FAM107B: variants seen among roughly 807,000 people sequenced by gnomAD.
FAM107B encodes family with sequence similarity 107 member B.
A neutral mutation model predicts 31.5 loss-of-function variants in FAM107B; 21 were observed. That is an observed-to-expected ratio of 0.67 (90% confidence interval 0.47 to 0.96). The LOEUF is 0.96. FAM107B is among the 40% of genes least tolerant of loss of function. FAM107B has a pLI of 0.00. For synonymous variants in FAM107B, 157 were observed against 141.5 expected (o/e 1.11, Z -0.78); for missense variants, 452 against 377.1 (o/e 1.20, Z -1.64).
At chr10:14,769,436 T>C (rs1426870136) in intron 1 of FAM107B, among the ~76,000 whole-genome samples, 2 of 152,186 alleles carry the variant, frequency 1.3e-5, no homozygotes, top group African/African-American at 4.8e-5. Flanking sequence ...CCAAGCTGGA[T>C]TGCAGTGGTG....
In FAM107B at chr10:14,521,078, T is replaced by G; in HGVS notation, c.*112A>C. 2 of 849,712 alleles carry G rather than the reference T, an allele frequency of 2.4e-6. No homozygotes were observed. Among genetic ancestry groups the G allele is most frequent in the Non-Finnish European group, 1.9e-6 (1 of 536,230 alleles). The allele number at this position is 849,712 out of a possible 1,614,324, so 52.6% of individuals were successfully genotyped here. A position where few individuals can be genotyped will look rare whatever the true frequency, so the allele number is the denominator to read the frequency against. On this transcript the variant is annotated 3_prime_UTR_variant, in exon 5 of 5. Coordinates refer to ENST00000181796, the MANE Select transcript of FAM107B (RefSeq NM_031453.4). ...AAATCAAACCAAATCCTACTGCAAGTCAAAATTCTCTGCTGGCTGAAATAT... is the reference window on the plus strand; with the variant it reads ...AAATCAAACCAAATCCTACTGCAAGGCAAAATTCTCTGCTGGCTGAAATAT...
At chr10:14,674,181 T>C (rs758531034) in intron 1 of FAM107B, among the ~76,000 whole-genome samples, 18 of 152,158 alleles carry the variant, frequency 1.2e-4, no homozygotes, top group Non-Finnish European at 2.2e-4. Context: ...CTTCAGCACA[T>C]TGGTCTAGGC....
chr10:14,645,483 T>TATAA (rs1853729218), intron 2 of FAM107B, among the ~76,000 whole-genome samples: 1 of 128,806 alleles, frequency 7.8e-6, no homozygotes, highest in African/African-American at 2.8e-5. Flanking sequence ...GATGGTCCTT[T>TATAA]CTTCCCCCAC....
chr10:14,656,887 G>A (rs527569623), intron 2 of FAM107B, among the ~76,000 whole-genome samples: 1 of 152,304 alleles, frequency 6.6e-6, no homozygotes, highest in South Asian at 2.1e-4. Flanking sequence ...GCAAACTTCT[G>A]GAAAGTTCCA....
chr10:14,623,814 G>T (rs570377002), intron 2 of FAM107B, among the ~76,000 whole-genome samples: 1 of 152,302 alleles, frequency 6.6e-6, no homozygotes, highest in East Asian at 1.9e-4. Flanking sequence ...GACAGACGGG[G>T]ACTCTGTCTT....
At position 14,733,606 on chromosome 10, in the gene FAM107B, C is replaced by A. The variant is rs537783594; in HGVS notation, c.411+40647G>T. ...AATACCCATAGCACTGGAGAAAGGT[C>A]GTCCAAAATAATGATAAGGTAAACT... is the stretch of plus-strand genomic sequence containing the variant. On this transcript the variant is annotated intron_variant, in intron 1 of 4. Transcript: ENST00000181796. Among the ~76,000 whole-genome samples, 8 of 152,222 alleles carry A rather than the reference C, an allele frequency of 5.3e-5. No individual in the cohort carries two copies. In the South Asian group the frequency reaches 1.7e-3, roughly 32 times the overall value.
intron 2 of FAM107B, among the ~76,000 whole-genome samples, chr10:14,551,475 A>T (rs1316035404): frequency 6.6e-6 from 1 of 152,124 alleles, no homozygotes; most frequent in Non-Finnish European, 1.5e-5. Flanking sequence ...ACTGAGTAAG[A>T]TTCCAATTAT....
intron 2 of FAM107B, among the ~76,000 whole-genome samples, chr10:14,666,968 C>A (rs1260639547): frequency 6.6e-6 from 1 of 152,190 alleles, no homozygotes; most frequent in Non-Finnish European, 1.5e-5. Context: ...CGTCTGGAGC[C>A]ATCTTCTAAC....
At chr10:14,613,029 C>T (rs949350657) in intron 2 of FAM107B, among the ~76,000 whole-genome samples, 3 of 151,932 alleles carry the variant, frequency 2.0e-5, no homozygotes, top group African/African-American at 4.8e-5. Flanking sequence ...TAGAGTGCAG[C>T]GGCGCAATCT....
Position 14,774,719 on chromosome 10 carries a change from C to A in FAM107B, c.-56G>T, listed in dbSNP as rs561109040. On this transcript the variant is annotated 5_prime_UTR_variant, in exon 1 of 5. Coordinates refer to ENST00000181796, the MANE Select transcript of FAM107B (RefSeq NM_031453.4). ...CGGGGCAAGGAAATTTTCCAGGGGT[C>A]CACATCACCTCCACTTTGCTTATAG... The A allele has an allele frequency of 4.7e-5, 73 of 1,543,054 alleles. No homozygotes were observed. In the East Asian group the frequency reaches 1.6e-3, roughly 35 times the overall value.
chr10:14,587,016 A>G (rs910620623), intron 2 of FAM107B, among the ~76,000 whole-genome samples: 1 of 152,236 alleles, frequency 6.6e-6, no homozygotes, highest in Non-Finnish European at 1.5e-5. Context: ...GTGAGAGTGT[A>G]AACAATCACG....
chr10:14,662,646 A>G (rs1854276624), intron 2 of FAM107B, among the ~76,000 whole-genome samples: 1 of 152,120 alleles, frequency 6.6e-6, no homozygotes, highest in South Asian at 2.1e-4. Flanking sequence ...TTCATAACCA[A>G]CACATCTTCT....
chr10:14,541,078 T>G (rs1318331020), intron 2 of FAM107B, among the ~76,000 whole-genome samples: 1 of 152,186 alleles, frequency 6.6e-6, no homozygotes, highest in Non-Finnish European at 1.5e-5. Context: ...GTTTCAACCC[T>G]AAGTACAGAA....
At chr10:14,697,124 G>T (rs1165006373) in intron 1 of FAM107B, among the ~76,000 whole-genome samples, 2 of 152,222 alleles carry the variant, frequency 1.3e-5, no homozygotes, top group African/African-American at 4.8e-5. Context: ...TGGGGAGCCA[G>T]TTCTGTGCTT....
At chr10:14,727,045 C>G (rs975905832) in intron 1 of FAM107B, among the ~76,000 whole-genome samples, 10 of 152,012 alleles carry the variant, frequency 6.6e-5, no homozygotes, top group Admixed American at 3.3e-4. Context: ...TCATAAGAAG[C>G]AAGCGACCTA....
At chr10:14,530,984 A>T (rs752734561) in intron 2 of FAM107B, among the ~76,000 whole-genome samples, 1 of 152,340 alleles carries the variant, frequency 6.6e-6, no homozygotes, top group Middle Eastern at 3.4e-3. Flanking sequence ...GGAGTTTGTT[A>T]AATATTTCAC....
intron 2 of FAM107B, among the ~76,000 whole-genome samples, chr10:14,540,892 C>T (rs1455603359): frequency 6.6e-6 from 1 of 152,288 alleles, no homozygotes; most frequent in African/African-American, 2.4e-5. Context: ...ACAGAGCCAA[C>T]CCCACCCCAC....
chr10:14,690,665 G>A (rs532110808), intron 1 of FAM107B, among the ~76,000 whole-genome samples: 5 of 152,002 alleles, frequency 3.3e-5, no homozygotes, highest in Admixed American at 2.0e-4. Flanking sequence ...TGTTAGCCAG[G>A]ATGGTCTCGA....
chr10:14,530,593 T>A (rs1034345419), intron 2 of FAM107B, 78 bp from the exon 3 acceptor site: 11 of 1,378,450 alleles, frequency 8.0e-6, no homozygotes, highest in Admixed American at 1.8e-5. Context: ...CCCACAGAGC[T>A]GTGCTCAGTA....
Sources: allele counts gnomAD v4.1 joint callset (sites outside exome capture counted in the v4.1 genomes callset), GRCh38; gene constraint gnomAD v4.1.1; transcripts MANE v1.5; gene names NCBI Gene and HGNC (gene_info 2026-07-23, HGNC 2026-07-21).